GALNT13: variants seen among roughly 807,000 people sequenced by gnomAD.
The protein encoded by GALNT13 is UDP-GalNAc:polypeptide N-acetylgalactosaminyltransferase 13.
Under a neutral mutation model 64.2 loss-of-function variants are expected in GALNT13, and 28 were observed. The observed-to-expected ratio is 0.44, with a 90% CI of 0.32 to 0.60. The LOEUF (loss-of-function observed/expected upper bound fraction) is 0.60. Among genes scored for constraint, GALNT13 ranks in the 20% least tolerant of loss-of-function variants. GALNT13 has a pLI of 0.05. For missense variants in GALNT13, 577 were observed against 669.8 expected, an observed-to-expected ratio of 0.86 and a Z score of 1.53; for synonymous variants, 214 against 224.6, an observed-to-expected ratio of 0.95 and a Z score of 0.42.
At chr2:153,587,251 A>T in the GALNT13 span, among the ~76,000 whole-genome samples, 1 of 144,254 alleles carries the variant, frequency 6.9e-6, no homozygotes, top group East Asian at 2.0e-4. Context: ...AAAAAAAATT[A>T]ACACAGAAAT....
At chr2:153,800,216 A>T in the GALNT13 span, among the ~76,000 whole-genome samples, 43 of 152,196 alleles carry the variant, frequency 2.8e-4, no homozygotes, top group African/African-American at 1.0e-3. Flanking sequence ...TTCTTAGTAC[A>T]TATGAAAATT....
the GALNT13 span, among the ~76,000 whole-genome samples, chr2:153,426,497 TAA>T: frequency 6.6e-6 from 1 of 152,002 alleles, no homozygotes; most frequent in Admixed American, 6.6e-5. Context: ...ACTAGTCTTG[TAA>T]GTCTTTGTTC....
intron 3 of GALNT13, among the ~76,000 whole-genome samples, chr2:154,060,787 G>A (rs1287030005): frequency 1.3e-5 from 2 of 151,972 alleles, no homozygotes; most frequent in Non-Finnish European, 2.9e-5. Context: ...GATTCTGCTT[G>A]CATTTTTAAT....
In GALNT13 at chr2:154,146,434, TA is replaced by T. The variant is rs1411349366; in HGVS notation, c.311+5937del. Among the ~76,000 whole-genome samples the T allele has an allele frequency of 4.0e-5, 6 of 151,696 alleles. No individual in the cohort carries two copies. In the South Asian group the frequency reaches 6.2e-4, roughly 16 times the overall value. On this transcript the variant is annotated intron_variant, in intron 4 of 12. Coordinates refer to ENST00000392825, the MANE Select transcript of GALNT13 (RefSeq NM_052917.4). ...TTCTGACACTACTACCTTCAACTTC[TA>T]AAAAAAAGTGGTATTATATACATAA...
chr2:154,211,651 A>AAAAG (rs1687777752), intron 4 of GALNT13, among the ~76,000 whole-genome samples: 2 of 147,908 alleles, frequency 1.4e-5, no homozygotes, highest in Admixed American at 6.7e-5. Flanking sequence ...AAAAAAAAAA[A>AAAAG]AAAAGAAAAG....
chr2:154,031,327 AGAG>A (rs1331774881), intron 3 of GALNT13, among the ~76,000 whole-genome samples: 1 of 152,068 alleles, frequency 6.6e-6, no homozygotes, highest in Non-Finnish European at 1.5e-5. Flanking sequence ...AATCAAAAAA[AGAG>A]AAGAAGAGGA....
At chr2:153,654,115 C>T in the GALNT13 span, among the ~76,000 whole-genome samples, 3 of 151,884 alleles carry the variant, frequency 2.0e-5, no homozygotes, top group Non-Finnish European at 4.4e-5. Flanking sequence ...TTGATCTAAC[C>T]GTGAGTATGA....
chr2:153,294,916 A>C, the GALNT13 span, among the ~76,000 whole-genome samples: 1 of 152,154 alleles, frequency 6.6e-6, no homozygotes, highest in Non-Finnish European at 1.5e-5. Context: ...AAAGCTTTAG[A>C]CTCCAAGAAC....
chr2:153,145,144 A>C, the GALNT13 span, among the ~76,000 whole-genome samples: 4 of 151,866 alleles, frequency 2.6e-5, no homozygotes, highest in Admixed American at 2.6e-4. Context: ...TCTATGAAAA[A>C]ATTTGTCATC....
rs141419300 is a variant in GALNT13 at position 154,434,990 on chromosome 2, A to G, written c.1396-3602A>G. Among the ~76,000 whole-genome samples the G allele has an allele frequency of 8.1e-3, 1,237 of 152,314 alleles. 14 individuals are homozygous for G. Among genetic ancestry groups the G allele is most frequent in the Middle Eastern group, 0.027 (8 of 294 alleles). ...TAACTTTCTCCCTGTTTCCTCTTTT[A>G]TAATGGAAGGAAAGGCACAGAAATT... is the stretch of plus-strand genomic sequence containing the variant. On this transcript the variant is annotated intron_variant, in intron 11 of 12. Transcript: ENST00000392825.
the GALNT13 span, among the ~76,000 whole-genome samples, chr2:153,074,291 T>G: frequency 6.6e-6 from 1 of 152,218 alleles, no homozygotes; most frequent in African/African-American, 2.4e-5. Flanking sequence ...TTAGTTCATT[T>G]TTTTGACCAT....
At chr2:153,755,982 A>C in the GALNT13 span, among the ~76,000 whole-genome samples, 36 of 152,282 alleles carry the variant, frequency 2.4e-4, no homozygotes, top group South Asian at 8.3e-4. Flanking sequence ...CAACATTTTC[A>C]ACAAATAATG....
chr2:153,606,058 A>C, the GALNT13 span, among the ~76,000 whole-genome samples: 3 of 152,064 alleles, frequency 2.0e-5, no homozygotes, highest in African/African-American at 7.2e-5. Context: ...TAGTATATCT[A>C]CCTATAGCAG....
In GALNT13 at chr2:154,228,547, A is replaced by G. The variant is rs542911665; in HGVS notation, c.312-13483A>G. Reference sequence around the variant, plus strand: ...TACTGAAACACTAGAGGTTTGCTGTAGGACCTGCTGCTCACCTTGCAGAAA... The same window carrying G: ...TACTGAAACACTAGAGGTTTGCTGTGGGACCTGCTGCTCACCTTGCAGAAA... On this transcript the variant is annotated intron_variant, in intron 4 of 12. Transcript: ENST00000392825. Among the ~76,000 whole-genome samples, 9 of 152,288 alleles carry G rather than the reference A, an allele frequency of 5.9e-5. No homozygotes were observed. The South Asian group carries it at 1.4e-3, about 25-fold the overall frequency.
the GALNT13 span, among the ~76,000 whole-genome samples, chr2:153,272,266 T>C: frequency 1.3e-5 from 2 of 151,896 alleles, no homozygotes; most frequent in Non-Finnish European, 2.9e-5. Flanking sequence ...ACAAATGGGA[T>C]CTAATTAAAC....
chr2:153,122,745 G>A, the GALNT13 span, among the ~76,000 whole-genome samples: 1 of 152,120 alleles, frequency 6.6e-6, no homozygotes, highest in Non-Finnish European at 1.5e-5. Flanking sequence ...TCAGTTTCCA[G>A]GGGATGAAAG....
At chr2:154,156,147 A>G (rs1425047008) in intron 4 of GALNT13, among the ~76,000 whole-genome samples, 1 of 152,002 alleles carries the variant, frequency 6.6e-6, no homozygotes, top group Non-Finnish European at 1.5e-5. Flanking sequence ...ATTTGACCAG[A>G]TAGTTAATTT....
chr2:153,955,987 CTG>C (rs1022026795), intron 3 of GALNT13, among the ~76,000 whole-genome samples: 7 of 152,136 alleles, frequency 4.6e-5, no homozygotes, highest in Non-Finnish European at 1.0e-4. Context: ...TCAGCACACC[CTG>C]GCAAAAAAGG....
chr2:154,049,844 A>G (rs1699487658), intron 3 of GALNT13, among the ~76,000 whole-genome samples: 1 of 152,072 alleles, frequency 6.6e-6, no homozygotes, highest in Admixed American at 6.5e-5. Context: ...GCCATGTCTT[A>G]CAGTTTTTGT....
Sources: allele counts gnomAD v4.1 joint callset (sites outside exome capture counted in the v4.1 genomes callset), GRCh38; gene constraint gnomAD v4.1.1; transcripts MANE v1.5; gene names NCBI Gene and HGNC (gene_info 2026-07-23, HGNC 2026-07-21).